Variants in NLRP12 observed in about 807,000 individuals in gnomAD.
NLRP12 encodes NLR family pyrin domain containing 12.
In NLRP12, 108 loss-of-function variants were observed where a neutral mutation model predicts 91.2. The ratio of observed to expected loss-of-function variants is 1.18; its 90% CI spans 1.01 to 1.39. The LOEUF (loss-of-function observed/expected upper bound fraction) is 1.39. NLRP12 is among the 40% of genes most tolerant of loss of function. NLRP12 has a pLI of 0.00. For missense variants in NLRP12, 1,530 were observed against 1,352.7 expected (o/e 1.13, Z -2.06); for synonymous variants, 613 against 566.7 (o/e 1.08, Z -1.16).
intron 3 of NLRP12, among the ~76,000 whole-genome samples, chr19:53,809,046 C>T (rs529128662): frequency 1.2e-4 from 18 of 151,820 alleles, no homozygotes; most frequent in South Asian, 4.2e-4. Flanking sequence ...GCTAACACAG[C>T]GAAACCCCAT....
At chr19:53,817,328 G>A (rs2092176492) in intron 1 of NLRP12, among the ~76,000 whole-genome samples, 2 of 152,138 alleles carry the variant, frequency 1.3e-5, no homozygotes, top group South Asian at 2.1e-4. Flanking sequence ...TACTCGGGAG[G>A]CTGAGGCAGG....
At chr19:53,808,307 T>G (rs1379138367) in intron 3 of NLRP12, 1 of 170,858 alleles carries the variant, frequency 5.9e-6, no homozygotes, top group Admixed American at 5.4e-5. Flanking sequence ...TAATCATTGA[T>G]AGTTGGTTTA....
chr19:53,804,392 GGTTTTTTT>G (rs1319258608), intron 5 of NLRP12, among the ~76,000 whole-genome samples: 2 of 125,474 alleles, frequency 1.6e-5, no homozygotes, highest in Non-Finnish European at 3.3e-5. Flanking sequence ...GTTTTTTTTG[GGTTTTTTT>G]GTTTTTTTTT....
intron 4 of NLRP12, among the ~76,000 whole-genome samples, chr19:53,807,139 C>T (rs2091973063): frequency 1.3e-5 from 2 of 152,210 alleles, no homozygotes; most frequent in African/African-American, 4.8e-5. Context: ...ACAATCCCGG[C>T]TCACTGCAAC....
intron 1 of NLRP12, 47 bp downstream of exon 1, chr19:53,823,839 T>A (rs1315872918): frequency 6.2e-7 from 1 of 1,609,692 alleles, no homozygotes; most frequent in Non-Finnish European, 8.5e-7. Context: ...TATGAGTCAC[T>A]GGACCCGGCT....
At chr19:53,812,898 T>TTTG (rs2092098670) in intron 2 of NLRP12, among the ~76,000 whole-genome samples, 1 of 147,474 alleles carries the variant, frequency 6.8e-6, no homozygotes, top group African/African-American at 2.6e-5. Context: ...TTTTTTTTTT[T>TTTG]GAGACAGAGT....
chr19:53,810,780 G>T lies in NLRP12; in HGVS notation c.879C>A (p.Ile293=), dbSNP rs771887223. The part of the protein sequence containing the change: ...IRVPERLLFI[I]DGFDELKPSF... ...AAGGCTTGAGCTCATCGAAGCCGTC[G>T]ATGATGAAAAGGAGGCGCTCGGGAA... Residue 293 remains isoleucine, a synonymous_variant, in exon 3 of 10, where the codon ATC becomes ATA. Transcript: ENST00000324134. 2.2e-5 allele frequency: 35 copies of T among 1,613,994 alleles called. No homozygotes were observed. The highest frequency in any genetic ancestry group is 1.0e-4 in the Admixed American group (6 of 59,974).
chr19:53,824,227 G>A lies in NLRP12; in HGVS notation c.-53C>T. Reference sequence around the variant, plus strand: ...GACCTGGAGGCTGAGATGCTCCTATGCACGGGACACAGGGCGACCCCAGCA... The same window carrying A: ...GACCTGGAGGCTGAGATGCTCCTATACACGGGACACAGGGCGACCCCAGCA... On this transcript the variant is annotated 5_prime_UTR_variant, in exon 1 of 10. Transcript: ENST00000324134. 6.3e-7 allele frequency: 1 copy of A among 1,586,084 alleles called. No individual in the cohort carries two copies.
chr19:53,804,197 T>C, intron 5 of NLRP12, 75 bp from the exon 6 acceptor site: 1 of 1,501,548 alleles, frequency 6.7e-7, no homozygotes, highest in Non-Finnish European at 9.2e-7. Flanking sequence ...TCCAGCCTGT[T>C]ATTTTATTAT....
chr19:53,798,343 G>A lies in NLRP12; in HGVS notation c.2827C>T (p.Leu943Phe). The change falls in exon 8 of 10, where the codon CTC (leucine) becomes TTC (phenylalanine). Residue 943 changes from leucine (L) to phenylalanine (F), a missense_variant. Physicochemically the swap from Leu to Phe is conservative, Grantham distance 22 (BLOSUM62 0). Transcript: ENST00000324134. Reference protein sequence around the residue: ...LSVVLQANHNLRELDLSFNDL... With the variant: ...LSVVLQANHNFRELDLSFNDL... ...TTGAAACTCAAGTCCAGCTCCCGGAGGTTGTGGTTGGCCTGGAGCACCACA... is the reference window on the plus strand; with the variant it reads ...TTGAAACTCAAGTCCAGCTCCCGGAAGTTGTGGTTGGCCTGGAGCACCACA... 1 of 1,614,168 alleles carries A rather than the reference G, an allele frequency of 6.2e-7. No individual in the cohort carries two copies. Among genetic ancestry groups the A allele is most frequent in the Non-Finnish European group, 8.5e-7 (1 of 1,180,024 alleles).
rs116722107 is a variant in NLRP12, at chr19:53,794,992, C to T, written c.3099-856G>A. On this transcript the variant is annotated intron_variant, in intron 9 of 9. Transcript: ENST00000324134. ...TGAGACAAGTTCCTGCTGGGTCACC[C>T]AGTGGCGTAATCATGGTTCACTGCA... Among the ~76,000 whole-genome samples, 322 of 152,104 alleles carry T rather than the reference C, an allele frequency of 2.1e-3. 1 individual carries two copies. Among genetic ancestry groups the T allele is most frequent in the African/African-American group, 7.5e-3 (311 of 41,504 alleles).
chr19:53,813,787 A>T lies in NLRP12; in HGVS notation c.370+1121T>A, dbSNP rs547192514. Among the ~76,000 whole-genome samples the T allele has an allele frequency of 3.3e-5, 5 of 151,988 alleles. No individual in the cohort carries two copies. The South Asian group carries it at 1.0e-3, about 32-fold the overall frequency. On this transcript the variant is annotated intron_variant, in intron 2 of 9. Coordinates refer to ENST00000324134, the MANE Select transcript of NLRP12 (RefSeq NM_144687.4). ...ACTGCAACTTCAACCTCCTGGGCTC[A>T]ACTAATCCTCCCACCTCAGCCTCCT...
chr19:53,811,005 C>CT lies in NLRP12; in HGVS notation c.653_654insA (p.Ala219GlyfsTer27). 6.2e-7 allele frequency: 1 copy of CT among 1,614,008 alleles called. No individual in the cohort carries two copies. The highest frequency in any genetic ancestry group is 1.3e-5 in the African/African-American group (1 of 75,076). On this transcript the variant is annotated frameshift_variant, in exon 3 of 10. Coordinates refer to ENST00000324134, the MANE Select transcript of NLRP12 (RefSeq NM_144687.4). LOFTEE classifies it high-confidence loss of function. Reference sequence around the variant, plus strand: ...CCAGCATGGACTTGCCTATCCCTGCCGCGCCTTGCATGACCACGGTGCGCG... The same window carrying CT: ...CCAGCATGGACTTGCCTATCCCTGCCTGCGCCTTGCATGACCACGGTGCGCG...
rs377242049 is a variant in NLRP12 at position 53,811,282 on chromosome 19, T to C, written c.377A>G (p.Gln126Arg). ...GCGGACATAGTCCCTGTAGGTTTCC[T>C]GGGGATCTAGGGGAGAGGAATGAAG... is the stretch of plus-strand genomic sequence containing the variant. The part of the protein sequence containing the change: ...VSLVTPRKDP[Q>R]ETYRDYVRRK... Residue 126 changes from glutamine to arginine, a missense_variant, in exon 3 of 10, where the codon CAG (glutamine) becomes CGG (arginine). Physicochemically the swap from Gln to Arg is conservative, Grantham distance 43. Transcript: ENST00000324134. The C allele has an allele frequency of 6.2e-7, 1 of 1,613,782 alleles. No homozygotes were observed. The highest frequency in any genetic ancestry group is 1.7e-5 in the Admixed American group (1 of 59,984).
intron 1 of NLRP12, among the ~76,000 whole-genome samples, chr19:53,819,030 C>T (rs1469517423): frequency 6.6e-6 from 1 of 152,130 alleles, no homozygotes. Context: ...AGCTGCCTCT[C>T]AGTAGACTAA....
chr19:53,824,018 GA>G lies in NLRP12; in HGVS notation c.156del (p.Leu54TrpfsTer27). ...ATGAGCAGCTGGGCCATTTCCAGGG[GA>G]CCGGCCTTCTCCATGCTTCCCCAGG... is the stretch of plus-strand genomic sequence containing the variant. ...KIPWGSMEKA[G>X]PLEMAQLLIT... is the part of the protein sequence containing the mutation. On this transcript the variant is annotated frameshift_variant, in exon 1 of 10. Coordinates refer to ENST00000324134, the MANE Select transcript of NLRP12 (RefSeq NM_144687.4). LOFTEE classifies it high-confidence loss of function. The G allele has an allele frequency of 6.2e-7, 1 of 1,614,152 alleles. No homozygotes were observed. The highest frequency in any genetic ancestry group is 1.1e-5 in the South Asian group (1 of 91,082).
At chr19:53,817,831 C>T (rs1055697748) in intron 1 of NLRP12, among the ~76,000 whole-genome samples, 3 of 151,914 alleles carry the variant, frequency 2.0e-5, no homozygotes, top group East Asian at 1.9e-4. Flanking sequence ...CTCACTGTGT[C>T]GTCCAGGCTG....
intron 2 of NLRP12, among the ~76,000 whole-genome samples, chr19:53,814,327 G>T (rs941140793): frequency 6.6e-6 from 1 of 152,070 alleles, no homozygotes; most frequent in Non-Finnish European, 1.5e-5. Context: ...TGGTAACAGG[G>T]AGGAAGAAGG....
chr19:53,811,600 G>C (rs1350480144), intron 2 of NLRP12, among the ~76,000 whole-genome samples: 1 of 149,542 alleles, frequency 6.7e-6, no homozygotes, highest in East Asian at 2.0e-4. Context: ...TTTAGATGGA[G>C]TCTCGCTCTG....
Sources: allele counts gnomAD v4.1 joint callset (sites outside exome capture counted in the v4.1 genomes callset), GRCh38; gene constraint gnomAD v4.1.1; transcripts MANE v1.5; gene names NCBI Gene and HGNC (gene_info 2026-07-23, HGNC 2026-07-21).